The following NLE1 variants were observed in gnomAD, a reference collection of about 807,000 sequenced individuals.
NLE1 encodes notchless homolog 1, also known as notchless protein homolog 1.
In NLE1, 37 loss-of-function variants were observed where a neutral mutation model predicts 62.8. That is an observed-to-expected ratio of 0.59 (90% CI 0.45 to 0.78). The LOEUF (loss-of-function observed/expected upper bound fraction) is 0.78. Among genes scored for constraint, NLE1 ranks in the 30% least tolerant of loss-of-function variants. The pLI is 0.00. For synonymous variants in NLE1, 243 were observed against 253.0 expected, an observed-to-expected ratio of 0.96 and a Z score of 0.37; for missense variants, 555 against 637.9, an observed-to-expected ratio of 0.87 and a Z score of 1.40.
At chr17:35,135,690 T>A (rs566461683) in intron 9 of NLE1, among the ~76,000 whole-genome samples, 1 of 152,132 alleles carries the variant, frequency 6.6e-6, no homozygotes, top group Non-Finnish European at 1.5e-5. Context: ...AGATACATAA[T>A]TACAGAAAAA....
chr17:35,130,554 GGT>G lies in NLE1; in HGVS notation c.*1881_*1882del. 1 of 1,088,294 alleles carries G rather than the reference GGT, an allele frequency of 9.2e-7. No homozygotes were observed. Among genetic ancestry groups the G allele is most frequent in the Non-Finnish European group, 1.3e-6 (1 of 773,136 alleles). 67.4% of individuals were successfully genotyped at this position (1,088,294 alleles called of 1,614,324 possible). ...CTGCGGGCCCGGGGTCTGGCAGAGT[GGT>G]ATGGGCACCCCACCCCTGGGCTGGG... On this transcript the variant is annotated 3_prime_UTR_variant, in exon 13 of 13. Coordinates refer to ENST00000442241, the MANE Select transcript of NLE1 (RefSeq NM_018096.5).
chr17:35,133,076 C>G, intron 12 of NLE1, 95 bp downstream of exon 12: 1 of 1,229,664 alleles, frequency 8.1e-7, no homozygotes, highest in South Asian at 1.2e-5. Flanking sequence ...CCTGGACGGC[C>G]CTGCGGAATT....
chr17:35,140,425 C>T (rs536955862), intron 2 of NLE1, among the ~76,000 whole-genome samples: 3 of 151,008 alleles, frequency 2.0e-5, no homozygotes, highest in African/African-American at 4.9e-5. Flanking sequence ...TACGGGGTTT[C>T]GCCACATTGG....
At chr17:35,137,717 C>T in intron 5 of NLE1, 77 bp from the exon 6 acceptor site, 1 of 1,222,944 alleles carries the variant, frequency 8.2e-7, no homozygotes, top group Admixed American at 1.8e-5. Context: ...TACCACTTCC[C>T]ACCCAACCCT....
chr17:35,137,967 C>G, intron 4 of NLE1, 77 bp from the exon 5 acceptor site: 5 of 985,498 alleles, frequency 5.1e-6, no homozygotes, highest in Non-Finnish European at 7.8e-6. Flanking sequence ...CTGTCAGGTG[C>G]CAGGTACTCC....
At chr17:35,140,800 A>G (rs2091939062) in intron 2 of NLE1, among the ~76,000 whole-genome samples, 1 of 151,734 alleles carries the variant, frequency 6.6e-6, no homozygotes, top group African/African-American at 2.4e-5. Flanking sequence ...ATATTGGCTA[A>G]GCTGGTCTCG....
At chr17:35,137,502 T>C (rs2142506460) in intron 6 of NLE1, 41 bp downstream of exon 6, 2 of 1,515,550 alleles carry the variant, frequency 1.3e-6, no homozygotes, top group East Asian at 2.3e-5. Context: ...ATGGCTTTGA[T>C]CCCCTGGCTC....
At chr17:35,139,703 C>T in intron 3 of NLE1, 146 bp downstream of exon 3, 1 of 1,145,908 alleles carries the variant, frequency 8.7e-7, no homozygotes, top group Non-Finnish European at 1.2e-6. Flanking sequence ...CTGAGGAAGT[C>T]CCTTAATTGC....
Position 35,141,280 on chromosome 17 carries a change from GCTCACGCCAGTAA to G in NLE1, c.162+686_162+698del, listed in dbSNP as rs377258586. Reference sequence around the variant, plus strand: ...TTAAAAGCAAAGGCCGGGTGCGGTGGCTCACGCCAGTAATCCCCAGCACTTTGGAGGCCAAGGC... The same window carrying G: ...TTAAAAGCAAAGGCCGGGTGCGGTGGTCCCCAGCACTTTGGAGGCCAAGGC... On this transcript the variant is annotated intron_variant, in intron 2 of 12. Coordinates refer to ENST00000442241, the MANE Select transcript of NLE1 (RefSeq NM_018096.5). 2.7e-3 allele frequency among the ~76,000 whole-genome samples: 406 copies of G among 152,298 alleles called. 4 individuals are homozygous for G. Among genetic ancestry groups the G allele is most frequent in the African/African-American group, 9.4e-3 (390 of 41,566 alleles).
rs2091949702 is a variant in NLE1, at chr17:35,142,291, G to A, written c.-16C>T. On this transcript the variant is annotated 5_prime_UTR_variant, in exon 1 of 13. Transcript: ENST00000442241. The stretch of plus-strand genomic sequence containing the variant: ...CTGCCGCCATCCTGCGTCCCCACGT[G>A]GAGGAGAAAGAGCCCGGCAGACAGA... 6.5e-7 allele frequency: 1 copy of A among 1,537,852 alleles called. No homozygotes were observed. Among genetic ancestry groups the A allele is most frequent in the Non-Finnish European group, 8.7e-7 (1 of 1,145,060 alleles).
At chr17:35,142,220 C>T in intron 1 of NLE1, 38 bp downstream of exon 1, 1 of 1,562,140 alleles carries the variant, frequency 6.4e-7, no homozygotes, top group South Asian at 1.2e-5. Flanking sequence ...CCTAGCGCCC[C>T]GCGGCGACGC....
chr17:35,132,382 AGGCAGCT>A lies in NLE1; in HGVS notation c.*48_*54del. 2 of 1,424,948 alleles carry A rather than the reference AGGCAGCT, an allele frequency of 1.4e-6. No individual in the cohort carries two copies. Among genetic ancestry groups the A allele is most frequent in the Non-Finnish European group, 1.9e-6 (2 of 1,079,646 alleles). 88.3% of individuals were successfully genotyped at this position (1,424,948 alleles called of 1,614,324 possible). On this transcript the variant is annotated 3_prime_UTR_variant, in exon 13 of 13. Coordinates refer to ENST00000442241, the MANE Select transcript of NLE1 (RefSeq NM_018096.5). The stretch of plus-strand genomic sequence containing the variant: ...CTCAGCCTTTGTTCTCTGGCAGGGA[AGGCAGCT>A]GGCAGAGGCCGAGTCGAGGTGGGGG...
intron 10 of NLE1, 29 bp from the exon 11 acceptor site, chr17:35,133,527 TTA>T: frequency 1.3e-6 from 2 of 1,582,762 alleles, no homozygotes; most frequent in Non-Finnish European, 1.7e-6. Flanking sequence ...ATGATGGATT[TTA>T]GTCTGAGTTA....
intron 2 of NLE1, 94 bp from the exon 3 acceptor site, chr17:35,140,160 GCTT>G (rs2091934270): frequency 4.2e-6 from 6 of 1,438,594 alleles, no homozygotes; most frequent in Non-Finnish European, 5.7e-6. Flanking sequence ...GGGAGGTGAA[GCTT>G]CTTCTTTTCA....
rs1176108905 is a variant in NLE1, at chr17:35,129,227, C to T, written c.*3210G>A. 2 of 691,114 alleles carry T rather than the reference C, an allele frequency of 2.9e-6. No homozygotes were observed. The highest frequency in any genetic ancestry group is 2.5e-6 in the Non-Finnish European group (1 of 406,528). 42.8% of individuals were successfully genotyped at this position (691,114 alleles called of 1,614,324 possible). On this transcript the variant is annotated 3_prime_UTR_variant, in exon 13 of 13. Transcript: ENST00000442241. ...GTACCCTAAAGTGGGTGGGGCTGCC[C>T]AGGAGAGTAGTACATGCTTCGGGGC...
At chr17:35,139,179 C>A (rs2091927514) in intron 4 of NLE1, 56 bp downstream of exon 4, 1 of 1,482,788 alleles carries the variant, frequency 6.7e-7, no homozygotes, top group Non-Finnish European at 9.4e-7. Context: ...GTCAACAGAG[C>A]AAGACCTTGT....
At chr17:35,136,962 G>A (rs1199944104) in intron 7 of NLE1, 39 bp downstream of exon 7, 13 of 1,537,620 alleles carry the variant, frequency 8.5e-6, no homozygotes, top group Admixed American at 7.6e-5. Context: ...TGTGACTTGC[G>A]ATTTTCTGGA....
chr17:35,134,643 G>A (rs1478739917), intron 10 of NLE1, among the ~76,000 whole-genome samples: 1 of 152,164 alleles, frequency 6.6e-6, no homozygotes, highest in African/African-American at 2.4e-5. Flanking sequence ...CAGGTGATCT[G>A]CCTGCCTTGG....
Position 35,129,534 on chromosome 17 carries a change from G to A in NLE1, c.*2903C>T, listed in dbSNP as rs1189885514. The A allele has an allele frequency of 3.7e-6, 6 of 1,614,094 alleles. No individual in the cohort carries two copies. In the African/African-American group the frequency reaches 5.3e-5, roughly 14 times the overall value. ...TTGCCCGAGGCAAAGAATCGTCCAT[G>A]GATCTTCAACAAGATTTTGGGCACT... On this transcript the variant is annotated 3_prime_UTR_variant, in exon 13 of 13. Coordinates refer to ENST00000442241, the MANE Select transcript of NLE1 (RefSeq NM_018096.5).
Sources: gnomAD v4.1 joint callset for allele counts (sites outside exome capture counted in the v4.1 genomes callset) on GRCh38, gnomAD v4.1.1 for gene constraint, MANE v1.5 for transcripts, NCBI Gene and HGNC (gene_info 2026-07-23, HGNC 2026-07-21) for gene names.